Variants in GATA4 observed in about 807,000 individuals in gnomAD.
GATA4 encodes GATA binding protein 4.
A neutral mutation model predicts 37.9 loss-of-function variants in GATA4; 7 were observed. The observed-to-expected ratio is 0.18, with a 90% CI of 0.11 to 0.35. The LOEUF is 0.35. GATA4 is among the 10% of genes least tolerant of loss of function. GATA4 has a pLI of 1.00. For missense variants in GATA4, 647 were observed against 653.0 expected, an observed-to-expected ratio of 0.99 and a Z score of 0.10; for synonymous variants, 372 against 292.6, an observed-to-expected ratio of 1.27 and a Z score of -2.77.
chr8:11,737,888 A>G (rs1288084376), intron 2 of GATA4, among the ~76,000 whole-genome samples: 2 of 152,182 alleles, frequency 1.3e-5, no homozygotes, highest in Non-Finnish European at 2.9e-5. Context: ...TTAACATGCA[A>G]AATAATCATA....
chr8:11,716,641 C>G (rs1800445030), intron 2 of GATA4, among the ~76,000 whole-genome samples: 1 of 152,206 alleles, frequency 6.6e-6, no homozygotes, highest in African/African-American at 2.4e-5. Context: ...TGTGGCTTCC[C>G]CACTTGTGGG....
chr8:11,719,217 T>C (rs182466866), intron 2 of GATA4, among the ~76,000 whole-genome samples: 3 of 151,664 alleles, frequency 2.0e-5, no homozygotes, highest in Admixed American at 6.6e-5. Context: ...TTTTTTTTTT[T>C]CCTTCTTTGA....
rs146685461 is a variant in GATA4 at position 11,757,043 on chromosome 8, G to A, written c.1109G>A (p.Gly370Asp). The A allele has an allele frequency of 1.9e-6, 3 of 1,614,078 alleles. No individual in the cohort carries two copies. The highest frequency in any genetic ancestry group is 1.7e-6 in the Non-Finnish European group (2 of 1,180,048). ...EEMRPIKTEP[G>D]LSSHYGHSSS... The stretch of plus-strand genomic sequence containing the variant: ...ATGCGTCCCATCAAGACGGAGCCTG[G>A]CCTGTCATCTCACTACGGGCACAGC... The change falls in exon 6 of 7, where the codon GGC becomes GAC. Residue 370 changes from glycine (G) to aspartate (D), a missense_variant. Transcript: ENST00000532059.
At position 11,679,653 on chromosome 8, in the gene GATA4, C is replaced by T. The variant is rs1397761379; in HGVS notation, c.-274+2590C>T. Among the ~76,000 whole-genome samples, 3 of 152,208 alleles carry T rather than the reference C, an allele frequency of 2.0e-5. No individual in the cohort carries two copies. The East Asian group carries it at 5.8e-4, about 29-fold the overall frequency. ...CCCCAGGGCAGCCAAGCACCCGCGGCCTTAAAAGTATCCCGGCGAGCCCTG... is the reference window on the plus strand; with the variant it reads ...CCCCAGGGCAGCCAAGCACCCGCGGTCTTAAAAGTATCCCGGCGAGCCCTG... On this transcript the variant is annotated intron_variant, in intron 1 of 6. Coordinates refer to the GATA4 transcript ENST00000528712.
chr8:11,697,021 G>T (rs1259724899), intron 1 of GATA4, among the ~76,000 whole-genome samples: 2 of 152,294 alleles, frequency 1.3e-5, no homozygotes, highest in African/African-American at 4.8e-5. Context: ...GGGGAGGGAG[G>T]AGGCGATGAG....
intron 2 of GATA4, among the ~76,000 whole-genome samples, chr8:11,746,672 T>C (rs538783964): frequency 6.6e-6 from 1 of 152,212 alleles, no homozygotes; most frequent in Non-Finnish European, 1.5e-5. Context: ...TGACAGCCCA[T>C]AGGCACGGAC....
chr8:11,755,235 G>T, intron 5 of GATA4, 102 bp downstream of exon 5: 1 of 917,980 alleles, frequency 1.1e-6, no homozygotes, highest in Non-Finnish European at 1.7e-6. Flanking sequence ...CGGGCCGCCA[G>T]GGGGTGGTGA....
rs1554484975 is a variant in GATA4 at position 11,693,496 on chromosome 8, GAA to G, written c.-729+842_-729+843del. Among the ~76,000 whole-genome samples the G allele has an allele frequency of 1.2e-4, 17 of 137,672 alleles. No homozygotes were observed. The South Asian group carries it at 1.4e-3, about 12-fold the overall frequency. The allele number at this position is 137,672 out of a possible 152,430, so 90.3% of individuals were successfully genotyped here. A position where few individuals can be genotyped will look rare whatever the true frequency, so the allele number is the denominator to read the frequency against. On this transcript the variant is annotated intron_variant, in intron 1 of 2. Coordinates refer to the GATA4 transcript ENST00000526974. Reference sequence around the variant, plus strand: ...GAGAAAGAAGAGAGAGAGAGAGAGAGAAAAAAAGAGGATTGATTCAGCACAAA... The same window carrying G: ...GAGAAAGAAGAGAGAGAGAGAGAGAGAAAAAGAGGATTGATTCAGCACAAA...
chr8:11,754,997 A>G, intron 4 of GATA4, 49 bp from the exon 5 acceptor site: 1 of 1,421,350 alleles, frequency 7.0e-7, no homozygotes, highest in Non-Finnish European at 9.9e-7. Flanking sequence ...ATGCTGTAGC[A>G]GACTACGCAG....
chr8:11,755,404 C>T (rs1436273574), intron 5 of GATA4, among the ~76,000 whole-genome samples: 2 of 152,216 alleles, frequency 1.3e-5, no homozygotes, highest in African/African-American at 2.4e-5. Context: ...GCTGGACCAG[C>T]CGAGGTCCTG....
At chr8:11,747,116 C>T (rs1310008578) in intron 2 of GATA4, among the ~76,000 whole-genome samples, 4 of 152,228 alleles carry the variant, frequency 2.6e-5, no homozygotes, top group African/African-American at 9.7e-5. Flanking sequence ...TCAATAAAAG[C>T]ACCCCTCTTC....
intron 2 of GATA4, among the ~76,000 whole-genome samples, chr8:11,746,541 A>C (rs1011186405): frequency 2.0e-5 from 3 of 152,250 alleles, no homozygotes; most frequent in Non-Finnish European, 4.4e-5. Flanking sequence ...AACACCCAAC[A>C]AAACGACGAC....
At position 11,708,939 on chromosome 8, in the gene GATA4, G is replaced by C; in HGVS notation, c.616+11G>C. 1 of 1,524,550 alleles carries C rather than the reference G, an allele frequency of 6.6e-7. No individual in the cohort carries two copies. Among genetic ancestry groups the C allele is most frequent in the South Asian group, 1.2e-5 (1 of 83,290 alleles). The allele number at this position is 1,524,550 out of a possible 1,614,324, so 94.4% of individuals were successfully genotyped here. On this transcript the variant is annotated intron_variant, in intron 2 of 6. Coordinates refer to ENST00000532059, the MANE Select transcript of GATA4 (RefSeq NM_001308093.3). The surrounding 1 kb of genome is among the most constrained non-coding windows in gnomAD (Gnocchi z 6.7). Reference sequence around the variant, plus strand: ...GACACCCCAATCTCGGTGAGTAGGAGCGCGAGGGCTGGGGCGCGTGAGGGC... The same window carrying C: ...GACACCCCAATCTCGGTGAGTAGGACCGCGAGGGCTGGGGCGCGTGAGGGC...
At chr8:11,679,181 G>GGT (rs1798874502) in intron 1 of GATA4, among the ~76,000 whole-genome samples, 2 of 149,436 alleles carry the variant, frequency 1.3e-5, no homozygotes, top group Non-Finnish European at 3.0e-5. Flanking sequence ...AATAATTGCG[G>GGT]GGGGGGGCAC....
intron 2 of GATA4, among the ~76,000 whole-genome samples, chr8:11,748,443 T>G (rs997515452): frequency 6.6e-6 from 1 of 152,168 alleles, no homozygotes; most frequent in African/African-American, 2.4e-5. Flanking sequence ...TAGAACCAAA[T>G]GCTCAAAACA....
At chr8:11,750,435 G>A (rs1322941854) in intron 4 of GATA4, among the ~76,000 whole-genome samples, 199 bp downstream of exon 4, 5 of 152,208 alleles carry the variant, frequency 3.3e-5, no homozygotes, top group Non-Finnish European at 7.3e-5. Context: ...TTACAGATGA[G>A]CAGGCTACAT....
Position 11,729,984 on chromosome 8 carries a change from G to A in GATA4, c.617-18932G>A, listed in dbSNP as rs117691169. 3.9e-5 allele frequency among the ~76,000 whole-genome samples: 6 copies of A among 152,192 alleles called. No homozygotes were observed. In the East Asian group the frequency reaches 1.2e-3, roughly 29 times the overall value. ...TCCATTGCCCAGGCTGGAGTGCAGT[G>A]GCGTGATCATGGCTCACTGCAGTCT... On this transcript the variant is annotated intron_variant, in intron 2 of 6. Coordinates refer to ENST00000532059, the MANE Select transcript of GATA4 (RefSeq NM_001308093.3).
chr8:11,745,965 A>G (rs1274812283), intron 2 of GATA4, among the ~76,000 whole-genome samples: 2 of 152,200 alleles, frequency 1.3e-5, no homozygotes, highest in African/African-American at 2.4e-5. Flanking sequence ...CCTTCTGAAT[A>G]TGTTTAAATT....
intron 2 of GATA4, among the ~76,000 whole-genome samples, chr8:11,721,012 G>A (rs1196781512): frequency 6.6e-6 from 1 of 152,022 alleles, no homozygotes; most frequent in Non-Finnish European, 1.5e-5. Context: ...CATTCCCTGT[G>A]AGCCTGGCGC....
Sources: gnomAD v4.1 joint callset for allele counts (sites outside exome capture counted in the v4.1 genomes callset) on GRCh38, gnomAD v4.1.1 for gene constraint, Gnocchi (gnomAD v3.1) non-coding constraint, MANE v1.5 for transcripts, NCBI Gene and HGNC (gene_info 2026-07-23, HGNC 2026-07-21) for gene names.